Variants in ZDHHC18 observed in about 807,000 individuals in gnomAD.
ZDHHC18 encodes zDHHC palmitoyltransferase 18.
A neutral mutation model predicts 37.5 loss-of-function variants in ZDHHC18; 23 were observed. That is an observed-to-expected ratio of 0.61 (90% CI 0.44 to 0.87). The LOEUF (loss-of-function observed/expected upper bound fraction) is 0.87. Ranked by LOEUF, ZDHHC18 falls within the 40% of genes least tolerant of loss-of-function variation. The pLI is 0.00. For missense variants in ZDHHC18, 406 were observed against 525.6 expected (o/e 0.77, Z 2.22); for synonymous variants, 185 against 218.7 (o/e 0.85, Z 1.36).
At chr1:26,842,189 C>G (rs1453569921) in intron 2 of ZDHHC18, among the ~76,000 whole-genome samples, 1 of 151,534 alleles carries the variant, frequency 6.6e-6, no homozygotes, top group Non-Finnish European at 1.5e-5. Context: ...ATTGCCCAGG[C>G]AGGTCTCAAA....
At chr1:26,833,019 C>CAGTCT (rs1438462504) in intron 2 of ZDHHC18, among the ~76,000 whole-genome samples, 2 of 152,182 alleles carry the variant, frequency 1.3e-5, no homozygotes, top group Non-Finnish European at 2.9e-5. Flanking sequence ...GAGATGAGAC[C>CAGTCT]TCAGTCTAGA....
chr1:26,854,075 G>A lies in ZDHHC18; in HGVS notation c.*232G>A. ...AGGTACCCCAGCTGATCAGTGCCAGGAGAGACCAGAGCCTCTGGAGGCTAC... is the reference window on the plus strand; with the variant it reads ...AGGTACCCCAGCTGATCAGTGCCAGAAGAGACCAGAGCCTCTGGAGGCTAC... On this transcript the variant is annotated 3_prime_UTR_variant, in exon 8 of 8. Coordinates refer to ENST00000374142, the MANE Select transcript of ZDHHC18 (RefSeq NM_032283.3). The surrounding 1 kb of genome is among the most constrained non-coding windows in gnomAD (Gnocchi z 4.6). 1.9e-6 allele frequency: 1 copy of A among 530,562 alleles called. No homozygotes were observed. Among genetic ancestry groups the A allele is most frequent in the Non-Finnish European group, 3.4e-6 (1 of 294,514 alleles). The allele number at this position is 530,562 out of a possible 1,614,324, so 32.9% of individuals were successfully genotyped here. A position where few individuals can be genotyped will look rare whatever the true frequency, so the allele number is the denominator to read the frequency against.
chr1:26,847,302 C>T (rs1025860061), intron 2 of ZDHHC18, among the ~76,000 whole-genome samples: 12 of 152,094 alleles, frequency 7.9e-5, no homozygotes, highest in African/African-American at 2.9e-4. Flanking sequence ...GCCTGGAACT[C>T]CTGGGCTCAA....
chr1:26,828,561 G>A (rs527696611), intron 1 of ZDHHC18, among the ~76,000 whole-genome samples: 38 of 152,108 alleles, frequency 2.5e-4, no homozygotes, highest in African/African-American at 9.2e-4. Flanking sequence ...CCATGGTAAG[G>A]CTATCATAGA....
In ZDHHC18 at chr1:26,832,584, C is replaced by A; in HGVS notation, c.473C>A (p.Ala158Glu). The A allele has an allele frequency of 6.2e-7, 1 of 1,614,174 alleles. No homozygotes were observed. Among genetic ancestry groups the A allele is most frequent in the Non-Finnish European group, 8.5e-7 (1 of 1,180,010 alleles). The part of the protein sequence containing the change: ...GILPRATVCE[A>E]AALEKQIDNT... ...CTGCCCCGGGCCACTGTCTGTGAAG[C>A]AGCCGCCCTGGAGAAACAGATCGGT... The change falls in exon 2 of 8, where the codon GCA (alanine) becomes GAA (glutamate). Residue 158 changes from alanine to glutamate, a missense_variant. Transcript: ENST00000374142.
At chr1:26,841,391 C>T (rs886802743) in intron 2 of ZDHHC18, among the ~76,000 whole-genome samples, 3 of 152,202 alleles carry the variant, frequency 2.0e-5, no homozygotes, top group African/African-American at 7.2e-5. Context: ...GCTTCAGCCT[C>T]CCAACGTGCT....
Position 26,850,194 on chromosome 1 carries a change from C to G in ZDHHC18, c.647-107C>G, listed in dbSNP as rs1305578900. The G allele has an allele frequency of 7.1e-7, 1 of 1,415,570 alleles. No homozygotes were observed. Among genetic ancestry groups the G allele is most frequent in the East Asian group, 2.5e-5 (1 of 40,192 alleles). The allele number at this position is 1,415,570 out of a possible 1,614,324, so 87.7% of individuals were successfully genotyped here. A position where few individuals can be genotyped will look rare whatever the true frequency, so the allele number is the denominator to read the frequency against. On this transcript the variant is annotated intron_variant, in intron 3 of 7. Transcript: ENST00000374142. The surrounding 1 kb of genome is among the most constrained non-coding windows in gnomAD (Gnocchi z 6.1). ...AAGGCCTGGGAGCCAGCTGGTGCTG[C>G]GAGAGTGAACGGGGTAGGAAAGCCC... is the stretch of plus-strand genomic sequence containing the variant.
chr1:26,839,113 C>T (rs139848758), intron 2 of ZDHHC18, among the ~76,000 whole-genome samples: 9 of 152,372 alleles, frequency 5.9e-5, no homozygotes, highest in South Asian at 2.1e-4. Context: ...TGCTCCTCTC[C>T]GAGAGCTGTC....
intron 2 of ZDHHC18, among the ~76,000 whole-genome samples, chr1:26,846,164 A>G (rs1322180900): frequency 6.8e-6 from 1 of 147,614 alleles, no homozygotes; most frequent in Non-Finnish European, 1.5e-5. Context: ...ACATGTATAT[A>G]TGTCTATATA....
At chr1:26,832,837 G>A (rs1363255245) in intron 2 of ZDHHC18, among the ~76,000 whole-genome samples, 8 of 152,244 alleles carry the variant, frequency 5.3e-5, no homozygotes, top group Admixed American at 1.3e-4. Flanking sequence ...GGCAGCCAGC[G>A]TGGAGCTGAG....
chr1:26,845,661 A>C lies in ZDHHC18; in HGVS notation c.497-2947A>C, dbSNP rs186861691. On this transcript the variant is annotated intron_variant, in intron 2 of 7. Coordinates refer to ENST00000374142, the MANE Select transcript of ZDHHC18 (RefSeq NM_032283.3). The stretch of plus-strand genomic sequence containing the variant: ...TTCTTTTTTTTAATCATCCAGCCCC[A>C]AAAAACTCTTCATTCTCTTAATGAT... 5.0e-4 allele frequency among the ~76,000 whole-genome samples: 76 copies of C among 151,990 alleles called. 1 individual carries two copies. In the East Asian group the frequency reaches 0.014, roughly 29 times the overall value.
Position 26,854,172 on chromosome 1 carries a change from A to T in ZDHHC18, c.*329A>T. 1 of 246,960 alleles carries T rather than the reference A, an allele frequency of 4.0e-6. No individual in the cohort carries two copies. 15.3% of individuals were successfully genotyped at this position (246,960 alleles called of 1,614,324 possible). A position where few individuals can be genotyped will look rare whatever the true frequency, so the allele number is the denominator to read the frequency against. ...TGAGTGAGGCTGTGAACTGAGCGTG[A>T]GGCCTCCCAGGTGGGGGAACTGCTT... On this transcript the variant is annotated 3_prime_UTR_variant, in exon 8 of 8. Coordinates refer to ENST00000374142, the MANE Select transcript of ZDHHC18 (RefSeq NM_032283.3). The surrounding 1 kb of genome is among the most constrained non-coding windows in gnomAD (Gnocchi z 4.6).
At chr1:26,851,298 G>T in intron 6 of ZDHHC18, 67 bp downstream of exon 6, 1 of 1,473,236 alleles carries the variant, frequency 6.8e-7, no homozygotes, top group Non-Finnish European at 9.5e-7. Flanking sequence ...GGCTGAGGGA[G>T]CCTGGGGCAG....
At position 26,826,785 on chromosome 1, in the gene ZDHHC18, C is replaced by T. The variant is rs1454821629; in HGVS notation, c.-20C>T. The T allele has an allele frequency of 3.1e-6, 3 of 977,880 alleles. No homozygotes were observed. Among genetic ancestry groups the T allele is most frequent in the African/African-American group, 1.8e-5 (1 of 56,560 alleles). The allele number at this position is 977,880 out of a possible 1,614,324, so 60.6% of individuals were successfully genotyped here. ...CCGGCCGGCCCGCGGGGCGCGGAGC[C>T]GAGGCCCGCGGCTGGCTGCATGAAG... On this transcript the variant is annotated 5_prime_UTR_variant, in exon 1 of 8. Transcript: ENST00000374142. The surrounding 1 kb of genome is among the most constrained non-coding windows in gnomAD (Gnocchi z 5.2).
intron 2 of ZDHHC18, among the ~76,000 whole-genome samples, chr1:26,845,981 G>A (rs2081661759): frequency 6.6e-6 from 1 of 151,850 alleles, no homozygotes; most frequent in Admixed American, 6.6e-5. Flanking sequence ...ACAACCTACT[G>A]GGATTTTTGA....
chr1:26,843,377 G>T (rs1324600358), intron 2 of ZDHHC18, among the ~76,000 whole-genome samples: 1 of 150,946 alleles, frequency 6.6e-6, no homozygotes, highest in Non-Finnish European at 1.5e-5. Flanking sequence ...CTGACCTAAG[G>T]TGATCCACCC....
At chr1:26,830,607 T>C (rs2081584584) in intron 1 of ZDHHC18, among the ~76,000 whole-genome samples, 1 of 152,128 alleles carries the variant, frequency 6.6e-6, no homozygotes, top group South Asian at 2.1e-4. Flanking sequence ...GTCTGGCACA[T>C]AGTAAGCCTT....
In ZDHHC18 at chr1:26,850,383, C is replaced by T. The variant is rs561161693; in HGVS notation, c.729C>T (p.Ser243=). The change falls in exon 4 of 8, where the codon TCC becomes TCT. Residue 243 remains serine, a synonymous_variant. Coordinates refer to ENST00000374142, the MANE Select transcript of ZDHHC18 (RefSeq NM_032283.3). This position sits in a 1 kb window ranked among gnomAD's most constrained non-coding sequence, Gnocchi z 6.1. ...NYRFFYAFIL[S]LSFLTAFIFA... is the part of the protein sequence containing the mutation. ...GCTTCTTCTACGCGTTTATTCTCTC[C>T]CTCTCATTCCTGACGGCCTTCATCT... The T allele has an allele frequency of 1.2e-6, 2 of 1,614,228 alleles. No homozygotes were observed. The highest frequency in any genetic ancestry group is 2.2e-5 in the South Asian group (2 of 91,090).
rs148398744 is a variant in ZDHHC18 at position 26,828,659 on chromosome 1, A to G, written c.335+1520A>G. Among the ~76,000 whole-genome samples, 821 of 151,950 alleles carry G rather than the reference A, an allele frequency of 5.4e-3. 4 individuals carry two copies. The highest frequency in any genetic ancestry group is 0.017 in the Middle Eastern group (5 of 294). ...CCTTGAAGCAAGGTGAAGACTTCCTATAAATTAGCTTCTCCCTTTACCCTT... is the reference window on the plus strand; with the variant it reads ...CCTTGAAGCAAGGTGAAGACTTCCTGTAAATTAGCTTCTCCCTTTACCCTT... On this transcript the variant is annotated intron_variant, in intron 1 of 7. Transcript: ENST00000374142.
Sources: allele counts gnomAD v4.1 joint callset (sites outside exome capture counted in the v4.1 genomes callset), GRCh38; gene constraint gnomAD v4.1.1; non-coding constraint Gnocchi (gnomAD v3.1); transcripts MANE v1.5; gene names NCBI Gene and HGNC (gene_info 2026-07-23, HGNC 2026-07-21).